NSF: variants seen among roughly 807,000 people sequenced by gnomAD.
NSF encodes vesicle-fusing ATPase.
A neutral mutation model predicts 50.3 loss-of-function variants in NSF; 14 were observed. The ratio of observed to expected loss-of-function variants is 0.28; its 90% CI spans 0.18 to 0.44. The LOEUF (loss-of-function observed/expected upper bound fraction) is 0.44. NSF is among the 20% of genes least tolerant of loss of function. The pLI is 1.00. For missense variants in NSF, 218 were observed against 504.3 expected, an observed-to-expected ratio of 0.43 and a Z score of 5.44; for synonymous variants, 109 against 175.7, an observed-to-expected ratio of 0.62 and a Z score of 3.00.
intron 17 of NSF, among the ~76,000 whole-genome samples, chr17:46,747,518 G>T (rs1275949260): frequency 1.3e-5 from 2 of 152,088 alleles, no homozygotes; most frequent in East Asian, 3.9e-4. Context: ...GGGCTCAAGT[G>T]ATCTGTCCAT....
At chr17:46,738,022 C>A (rs1307011695) in intron 17 of NSF, among the ~76,000 whole-genome samples, 2 of 151,818 alleles carry the variant, frequency 1.3e-5, no homozygotes, top group African/African-American at 2.4e-5. Context: ...CAGCCTTTAC[C>A]TCCTGGGCTC....
At chr17:46,726,684 G>T in intron 16 of NSF, 69 bp downstream of exon 16, 1 of 1,324,672 alleles carries the variant, frequency 7.5e-7, no homozygotes, top group Non-Finnish European at 1.1e-6. Context: ...AGTTACAAGA[G>T]AAAATTAACA....
chr17:46,726,824 A>G (rs1273972030), intron 16 of NSF, among the ~76,000 whole-genome samples: 4 of 152,222 alleles, frequency 2.6e-5, no homozygotes, highest in Non-Finnish European at 4.4e-5. Flanking sequence ...TAACACCATT[A>G]TAAACTGCTT....
rs559057667 is a variant in NSF at position 46,755,018 on chromosome 17, C to T, written c.2158-296C>T. The stretch of plus-strand genomic sequence containing the variant: ...TGAATGGCCCTGTCCAGTCTCACAG[C>T]GATGCCTCACAGGCATCAGCACAGG... On this transcript the variant is annotated intron_variant, in intron 19 of 20. Coordinates refer to ENST00000398238, the MANE Select transcript of NSF (RefSeq NM_006178.4). 1.5e-4 allele frequency among the ~76,000 whole-genome samples: 23 copies of T among 152,372 alleles called. No individual in the cohort carries two copies. The South Asian group carries it at 3.7e-3, about 25-fold the overall frequency.
intron 17 of NSF, among the ~76,000 whole-genome samples, chr17:46,732,881 C>T (rs1234482722): frequency 1.3e-5 from 2 of 152,196 alleles, no homozygotes; most frequent in Non-Finnish European, 2.9e-5. Context: ...TCAGCAGCAG[C>T]AGCTAAGAAA....
chr17:46,753,923 C>T (rs966581858), intron 19 of NSF, among the ~76,000 whole-genome samples: 6 of 152,186 alleles, frequency 3.9e-5, no homozygotes, highest in Non-Finnish European at 7.3e-5. Context: ...CCTCTCTGTT[C>T]ACTACATGCT....
At chr17:46,713,248 A>G (rs918615558) in intron 14 of NSF, 1 of 152,470 alleles carries the variant, frequency 6.6e-6, no homozygotes, top group African/African-American at 2.4e-5. Flanking sequence ...GAAAGGAACA[A>G]TCAGTAATGT....
At chr17:46,707,247 A>G (rs1375347270) in intron 13 of NSF, among the ~76,000 whole-genome samples, 2 of 152,202 alleles carry the variant, frequency 1.3e-5, no homozygotes, top group Non-Finnish European at 2.9e-5. Context: ...GCATTTCTCC[A>G]TATGTTAATT....
At chr17:46,721,055 G>A (rs980818987) in intron 15 of NSF, among the ~76,000 whole-genome samples, 3 of 152,178 alleles carry the variant, frequency 2.0e-5, no homozygotes, top group Non-Finnish European at 2.9e-5. Context: ...AGAGCTTGCC[G>A]TGTCCTTGAG....
chr17:46,741,955 C>CA (rs2059077247), intron 17 of NSF, among the ~76,000 whole-genome samples: 1 of 152,128 alleles, frequency 6.6e-6, no homozygotes, highest in Non-Finnish European at 1.5e-5. Flanking sequence ...AGCATTTCAC[C>CA]GTGTTGGTCA....
chr17:46,732,509 A>T (rs1040447903), intron 17 of NSF, among the ~76,000 whole-genome samples: 1 of 152,154 alleles, frequency 6.6e-6, no homozygotes, highest in African/African-American at 2.4e-5. Context: ...TTTGAATTTT[A>T]AATTTTTCTA....
In NSF at chr17:46,673,910, G is replaced by GTGTGT. The variant is rs1471807541; in HGVS notation, c.746-504_746-503insTGTGT. 1.4e-3 allele frequency among the ~76,000 whole-genome samples: 10 copies of GTGTGT among 6,992 alleles called. 3 individuals are homozygous for GTGTGT. The highest frequency in any genetic ancestry group is 7.9e-3 in the East Asian group (5 of 630). The allele number at this position is 6,992 out of a possible 152,430, so 4.6% of individuals were successfully genotyped here. A position where few individuals can be genotyped will look rare whatever the true frequency, so the allele number is the denominator to read the frequency against. On this transcript the variant is annotated intron_variant, in intron 8 of 20. Transcript: ENST00000398238. Reference sequence around the variant, plus strand: ...TTATGGCTGAATAGTATTCCATGGGGGTGTGTGTGTGTGTGTGTGTGTGTG... The same window carrying GTGTGT: ...TTATGGCTGAATAGTATTCCATGGGGTGTGTGTGTGTGTGTGTGTGTGTGTGTGTG...
At chr17:46,727,671 A>T (rs2058904833) in intron 16 of NSF, among the ~76,000 whole-genome samples, 1 of 152,162 alleles carries the variant, frequency 6.6e-6, no homozygotes, top group Admixed American at 6.5e-5. Flanking sequence ...GATACATCTC[A>T]GCCCAGTTTA....
chr17:46,735,106 A>G (rs1167360920), intron 17 of NSF, among the ~76,000 whole-genome samples: 2 of 152,236 alleles, frequency 1.3e-5, no homozygotes, highest in African/African-American at 4.8e-5. Flanking sequence ...ACATTGCTAC[A>G]GATATCTGCT....
chr17:46,649,557 T>C (rs1350839241), intron 8 of NSF, among the ~76,000 whole-genome samples: 1 of 150,934 alleles, frequency 6.6e-6, no homozygotes, highest in Non-Finnish European at 1.5e-5. Context: ...TCTCCTGCGT[T>C]ACTCCCATAC....
intron 19 of NSF, among the ~76,000 whole-genome samples, chr17:46,752,054 G>A (rs1392403172): frequency 6.6e-6 from 1 of 152,164 alleles, no homozygotes; most frequent in African/African-American, 2.4e-5. Flanking sequence ...ACGGTGTCTG[G>A]GAGACTGCTT....
rs2058750125 is a variant in NSF at position 46,714,566 on chromosome 17, T to A, written c.1761+580T>A. Among the ~76,000 whole-genome samples, 3 of 152,172 alleles carry A rather than the reference T, an allele frequency of 2.0e-5. No homozygotes were observed. In the South Asian group the frequency reaches 6.2e-4, roughly 32 times the overall value. ...TCAGTGAAGTTAGAACAGCATAGAA[T>A]AGAATCCTAGAGCTGAAAAGACTGT... On this transcript the variant is annotated intron_variant, in intron 15 of 20. Transcript: ENST00000398238.
intron 17 of NSF, among the ~76,000 whole-genome samples, chr17:46,748,386 A>G (rs2059152068): frequency 6.6e-6 from 1 of 152,242 alleles, no homozygotes; most frequent in Non-Finnish European, 1.5e-5. Flanking sequence ...CACTGGAATT[A>G]TAGGCATGAG....
In NSF at chr17:46,727,996, G is replaced by GT. The variant is rs531894414; in HGVS notation, c.1829-848dup. On this transcript the variant is annotated intron_variant, in intron 16 of 20. Transcript: ENST00000398238. ...ATGTGCCATGTATTTTGGATATTCT[G>GT]TTTTTTTTTTTATTTTTATTTTCCC... is the stretch of plus-strand genomic sequence containing the variant. Among the ~76,000 whole-genome samples the GT allele has an allele frequency of 4.3e-3, 632 of 147,118 alleles. 1 individual carries two copies. Among genetic ancestry groups the GT allele is most frequent in the Non-Finnish European group, 6.0e-3 (400 of 66,286 alleles).
Sources: allele counts gnomAD v4.1 joint callset (sites outside exome capture counted in the v4.1 genomes callset), GRCh38; gene constraint gnomAD v4.1.1; transcripts MANE v1.5; gene names NCBI Gene and HGNC (gene_info 2026-07-23, HGNC 2026-07-21).